Variants in CHD9 observed in about 807,000 individuals in gnomAD.
CHD9 encodes the protein chromodomain helicase DNA binding protein 9.
Under a neutral mutation model 316.1 loss-of-function variants are expected in CHD9, and 77 were observed. That is an observed-to-expected ratio of 0.24 (90% CI 0.20 to 0.29). The LOEUF (loss-of-function observed/expected upper bound fraction) is 0.29. Among genes scored for constraint, CHD9 ranks in the 10% least tolerant of loss-of-function variants. The probability of loss-of-function intolerance (pLI) is 1.00; values close to 1 mark genes in which losing one functional copy is unlikely to be tolerated. For missense variants in CHD9, 2,763 were observed against 3,438.1 expected (o/e 0.80, Z 4.91); for synonymous variants, 1,129 against 1,158.3 (o/e 0.97, Z 0.51).
chr16:53,164,520 C>T (rs1312350939), intron 2 of CHD9, among the ~76,000 whole-genome samples: 3 of 151,954 alleles, frequency 2.0e-5, no homozygotes, highest in Non-Finnish European at 4.4e-5. Context: ...TTGAGGCTGC[C>T]GTGAGCCAGG....
intron 3 of CHD9, among the ~76,000 whole-genome samples, chr16:53,217,072 G>A (rs201065870): frequency 4.6e-5 from 7 of 152,040 alleles, no homozygotes; most frequent in Non-Finnish European, 1.0e-4. Context: ...TTGTTGGCCA[G>A]GATCCAATTC....
chr16:53,076,980 A>C (rs12917984), intron 1 of CHD9, among the ~76,000 whole-genome samples: 89,498 of 150,974 alleles, frequency 0.59, 27,559 homozygotes, highest in Non-Finnish European at 0.68. Flanking sequence ...AGGCCCAACT[A>C]AGTTTATTTG....
Position 53,245,990 on chromosome 16 carries a change from C to G in CHD9, c.3454+140C>G, listed in dbSNP as rs2049552219. On this transcript the variant is annotated intron_variant, in intron 15 of 38. Transcript: ENST00000447540. The surrounding 1 kb of genome is among the most constrained non-coding windows in gnomAD (Gnocchi z 4.1). ...TAAGGAATTACAAGTGTTACAGAAT[C>G]AGAGGCAATGTGAACTGCTTTGTTA... 1.7e-6 allele frequency: 1 copy of G among 591,158 alleles called. No individual in the cohort carries two copies. Among genetic ancestry groups the G allele is most frequent in the Admixed American group, 3.9e-5 (1 of 25,442 alleles). 36.6% of individuals were successfully genotyped at this position (591,158 alleles called of 1,614,324 possible). A position where few individuals can be genotyped will look rare whatever the true frequency, so the allele number is the denominator to read the frequency against.
In CHD9 at chr16:53,245,193, TATAC is replaced by T; in HGVS notation, c.3055-141_3055-138del. On this transcript the variant is annotated intron_variant, in intron 13 of 38. Transcript: ENST00000447540. This position sits in a 1 kb window ranked among gnomAD's most constrained non-coding sequence, Gnocchi z 4.1. ...CTAAACAAACAAACAAATATATATATATACACACACACACACATAACATATATAT... is the reference window on the plus strand; with the variant it reads ...CTAAACAAACAAACAAATATATATATACACACACACACATAACATATATAT... 2.1e-5 allele frequency: 11 copies of T among 529,890 alleles called. No individual in the cohort carries two copies. Among genetic ancestry groups the T allele is most frequent in the South Asian group, 1.1e-4 (2 of 18,020 alleles). The allele number at this position is 529,890 out of a possible 1,614,324, so 32.8% of individuals were successfully genotyped here. A position where few individuals can be genotyped will look rare whatever the true frequency, so the allele number is the denominator to read the frequency against.
intron 24 of CHD9, among the ~76,000 whole-genome samples, chr16:53,279,571 T>C (rs532819825): frequency 1.3e-5 from 2 of 152,180 alleles, no homozygotes; most frequent in East Asian, 3.9e-4. Context: ...CTATAAAAAT[T>C]CTAGAAGATA....
At chr16:53,297,442 T>G (rs1219311347) in intron 30 of CHD9, among the ~76,000 whole-genome samples, 2 of 152,216 alleles carry the variant, frequency 1.3e-5, no homozygotes, top group Non-Finnish European at 2.9e-5. Context: ...GATAAAGGAT[T>G]GCTTTTGTTA....
intron 30 of CHD9, among the ~76,000 whole-genome samples, chr16:53,297,990 AG>A (rs1402167442): frequency 2.0e-5 from 3 of 152,238 alleles, no homozygotes; most frequent in African/African-American, 7.2e-5. Context: ...TGTCATTTGT[AG>A]TTGGCAAGAG....
chr16:53,248,517 T>G (rs1481839063), intron 16 of CHD9, among the ~76,000 whole-genome samples: 3 of 132,942 alleles, frequency 2.3e-5, no homozygotes, highest in Non-Finnish European at 4.7e-5. Flanking sequence ...TTTGTTGGTT[T>G]TTTTTTTTGT....
intron 2 of CHD9, among the ~76,000 whole-genome samples, chr16:53,161,306 T>G (rs973037322): frequency 6.6e-6 from 1 of 152,232 alleles, no homozygotes; most frequent in Admixed American, 6.5e-5. Flanking sequence ...TGATTTAATA[T>G]GTGGAATTCA....
intron 34 of CHD9, among the ~76,000 whole-genome samples, chr16:53,312,723 A>C (rs2056569849): frequency 6.6e-6 from 1 of 152,214 alleles, no homozygotes; most frequent in African/African-American, 2.4e-5. Flanking sequence ...ATAGGAAGCC[A>C]TGAGAAGTAT....
intron 27 of CHD9, among the ~76,000 whole-genome samples, chr16:53,289,672 T>C (rs1231020953): frequency 6.6e-6 from 1 of 152,114 alleles, no homozygotes; most frequent in Admixed American, 6.5e-5. Context: ...AAAGACTACA[T>C]TAAAGAATAT....
At chr16:53,313,596 A>C (rs2056646720) in intron 34 of CHD9, among the ~76,000 whole-genome samples, 1 of 151,980 alleles carries the variant, frequency 6.6e-6, no homozygotes, top group African/African-American at 2.4e-5. Flanking sequence ...GTGAGCCACT[A>C]TGCCCGGCCA....
chr16:53,086,038 G>C (rs141471155), intron 1 of CHD9, among the ~76,000 whole-genome samples: 9 of 152,142 alleles, frequency 5.9e-5, no homozygotes, highest in African/African-American at 2.2e-4. Context: ...TTATAGCAGA[G>C]AGCATTTGAG....
intron 2 of CHD9, among the ~76,000 whole-genome samples, chr16:53,166,955 C>A (rs774865703): frequency 2.6e-5 from 4 of 152,096 alleles, no homozygotes; most frequent in Non-Finnish European, 5.9e-5. Flanking sequence ...TTCACTCTAT[C>A]CTCATATGCA....
At chr16:53,255,024 G>A (rs1352265389) in intron 18 of CHD9, among the ~76,000 whole-genome samples, 3 of 151,934 alleles carry the variant, frequency 2.0e-5, no homozygotes, top group Non-Finnish European at 4.4e-5. Flanking sequence ...TAGGATCCTA[G>A]TACTGGGCTG....
intron 1 of CHD9, among the ~76,000 whole-genome samples, chr16:53,131,482 C>A (rs1232463460): frequency 6.7e-6 from 1 of 148,314 alleles, no homozygotes; most frequent in Non-Finnish European, 1.5e-5. Flanking sequence ...GCCCAGCCCG[C>A]CCGCGGCCCG....
intron 19 of CHD9, among the ~76,000 whole-genome samples, chr16:53,256,209 A>C (rs1313493999): frequency 4.6e-5 from 7 of 152,006 alleles, no homozygotes; most frequent in African/African-American, 9.7e-5. Context: ...CACATCTGTA[A>C]TCCCAGCACT....
intron 1 of CHD9, among the ~76,000 whole-genome samples, chr16:53,067,056 C>T (rs571730300): frequency 5.9e-5 from 9 of 152,220 alleles, no homozygotes; most frequent in African/African-American, 9.6e-5. Flanking sequence ...CATCCTCCCA[C>T]GTCAGCCTCC....
Position 53,245,488 on chromosome 16 carries a change from T to G in CHD9, c.3198+9T>G. 6.4e-7 allele frequency: 1 copy of G among 1,571,906 alleles called. No homozygotes were observed. Among genetic ancestry groups the G allele is most frequent in the Non-Finnish European group, 8.6e-7 (1 of 1,164,840 alleles). The stretch of plus-strand genomic sequence containing the variant: ...TGAAAACAGAGGAACAGGTATCCTA[T>G]TGCTCTTTGTAAATACATTCATCGC... On this transcript the variant is annotated intron_variant, in intron 14 of 38. Transcript: ENST00000447540. This position sits in a 1 kb window ranked among gnomAD's most constrained non-coding sequence, Gnocchi z 4.1.
Sources: allele counts gnomAD v4.1 joint callset (sites outside exome capture counted in the v4.1 genomes callset), GRCh38; gene constraint gnomAD v4.1.1; non-coding constraint Gnocchi (gnomAD v3.1); transcripts MANE v1.5; gene names NCBI Gene and HGNC (gene_info 2026-07-23, HGNC 2026-07-21).